The following ADAM7 variants were observed in gnomAD, a reference collection of about 807,000 sequenced individuals.
ADAM7 encodes ADAM metallopeptidase domain 7, also known as disintegrin and metalloproteinase domain-containing protein 7.
In ADAM7, 97 loss-of-function variants were observed where a neutral mutation model predicts 102.9. That is an observed-to-expected ratio of 0.94 (90% CI 0.80 to 1.12). The LOEUF is 1.12. Ranked by LOEUF, ADAM7 falls within the 50% of genes most tolerant of loss-of-function variation. ADAM7 has a pLI of 0.00. For missense variants in ADAM7, 991 were observed against 908.7 expected (o/e 1.09, Z -1.16); for synonymous variants, 334 against 304.4 (o/e 1.10, Z -1.01).
intron 3 of ADAM7, among the ~76,000 whole-genome samples, chr8:24,450,257 C>A (rs373747501): frequency 1.3e-5 from 2 of 152,080 alleles, no homozygotes; most frequent in African/African-American, 4.8e-5. Context: ...GCCATTTTCA[C>A]GATATTGATT....
intron 2 of ADAM7, among the ~76,000 whole-genome samples, chr8:24,444,721 T>A (rs998049888): frequency 6.7e-6 from 1 of 149,998 alleles, no homozygotes; most frequent in African/African-American, 2.4e-5. Flanking sequence ...CCTGAGAAAC[T>A]GTGAGACTTC....
intron 7 of ADAM7, among the ~76,000 whole-genome samples, chr8:24,472,017 A>G (rs1229029036): frequency 6.6e-6 from 1 of 151,678 alleles, no homozygotes; most frequent in Non-Finnish European, 1.5e-5. Context: ...AAGAGAATTT[A>G]TGATTTAAAA....
chr8:24,454,670 G>A (rs568167434), intron 3 of ADAM7, among the ~76,000 whole-genome samples: 16 of 152,146 alleles, frequency 1.1e-4, no homozygotes, highest in Admixed American at 4.6e-4. Flanking sequence ...ACTGTCCTGC[G>A]CCCACTGTCT....
chr8:24,463,481 G>A (rs138661397), intron 3 of ADAM7, among the ~76,000 whole-genome samples: 495 of 152,074 alleles, frequency 3.3e-3, no homozygotes, highest in African/African-American at 0.012. Context: ...TAAATATGTA[G>A]CTGTTAGGTT....
intron 2 of ADAM7, among the ~76,000 whole-genome samples, chr8:24,444,962 C>T (rs1818502624): frequency 1.3e-5 from 2 of 152,226 alleles, no homozygotes; most frequent in East Asian, 3.9e-4. Context: ...ATCTTTCCAA[C>T]TTTTCTGTAA....
Position 24,479,148 on chromosome 8 carries a change from G to A in ADAM7, c.705+2644G>A, listed in dbSNP as rs531032717. 4.6e-5 allele frequency among the ~76,000 whole-genome samples: 7 copies of A among 152,204 alleles called. No homozygotes were observed. In the South Asian group the frequency reaches 1.5e-3, roughly 32 times the overall value. ...ACATTCTCACTGCTTCTTCAGTAGTGGCGTGTTGTTTGTTCCTCAGTGCCT... is the reference window on the plus strand; with the variant it reads ...ACATTCTCACTGCTTCTTCAGTAGTAGCGTGTTGTTTGTTCCTCAGTGCCT... On this transcript the variant is annotated intron_variant, in intron 8 of 21. Coordinates refer to ENST00000175238, the MANE Select transcript of ADAM7 (RefSeq NM_003817.4).
chr8:24,453,435 G>C (rs1358743239), intron 3 of ADAM7, among the ~76,000 whole-genome samples: 2 of 151,922 alleles, frequency 1.3e-5, no homozygotes, highest in Non-Finnish European at 2.9e-5. Flanking sequence ...TCTTCCAATT[G>C]ATCACATCGG....
At chr8:24,500,702 G>A in intron 18 of ADAM7, 88 bp from the exon 19 acceptor site, 5 of 1,028,078 alleles carry the variant, frequency 4.9e-6, no homozygotes, top group Non-Finnish European at 7.4e-6. Flanking sequence ...AAGGAATAAG[G>A]AGCATTGTAA....
chr8:24,447,960 ACACACACAC>A (rs1242421116), intron 3 of ADAM7, among the ~76,000 whole-genome samples: 1 of 151,382 alleles, frequency 6.6e-6, no homozygotes. Context: ...ACACACACAC[ACACACACAC>A]ACACACACAC....
chr8:24,460,521 T>C (rs961414390), intron 3 of ADAM7, among the ~76,000 whole-genome samples: 3 of 152,062 alleles, frequency 2.0e-5, no homozygotes, highest in Non-Finnish European at 4.4e-5. Context: ...GCTGGCTTCT[T>C]ATTAATCTCT....
intron 2 of ADAM7, among the ~76,000 whole-genome samples, chr8:24,442,842 A>G (rs1818421649): frequency 6.6e-6 from 1 of 152,054 alleles, no homozygotes; most frequent in Non-Finnish European, 1.5e-5. Context: ...ACTTATAACA[A>G]CCTCATTTGT....
At chr8:24,499,872 T>A (rs1002493433) in intron 17 of ADAM7, among the ~76,000 whole-genome samples, 14 of 151,866 alleles carry the variant, frequency 9.2e-5, no homozygotes, top group African/African-American at 3.1e-4. Context: ...CAGGTTACCA[T>A]ATTTATCATA....
At chr8:24,500,730 A>T in intron 18 of ADAM7, 60 bp from the exon 19 acceptor site, 1 of 1,357,344 alleles carries the variant, frequency 7.4e-7, no homozygotes, top group Non-Finnish European at 1.0e-6. Flanking sequence ...ATTAAATGTT[A>T]ATATTCCACT....
intron 3 of ADAM7, among the ~76,000 whole-genome samples, 182 bp from the exon 4 acceptor site, chr8:24,463,700 A>G (rs1819328478): frequency 6.6e-6 from 1 of 152,142 alleles, no homozygotes; most frequent in African/African-American, 2.4e-5. Flanking sequence ...TTTATGAACC[A>G]TGATATTTAA....
At chr8:24,455,903 T>C (rs1819013802) in intron 3 of ADAM7, among the ~76,000 whole-genome samples, 1 of 152,222 alleles carries the variant, frequency 6.6e-6, no homozygotes, top group Non-Finnish European at 1.5e-5. Flanking sequence ...GATTCATGAA[T>C]ACAATGTGTA....
intron 16 of ADAM7, among the ~76,000 whole-genome samples, chr8:24,494,649 T>C (rs1185516778): frequency 6.6e-6 from 1 of 152,204 alleles, no homozygotes; most frequent in Non-Finnish European, 1.5e-5. Flanking sequence ...TTCAGCCAAA[T>C]TCTAATGAGG....
intron 19 of ADAM7, 148 bp from the exon 20 acceptor site, chr8:24,501,329 T>C (rs1426278394): frequency 8.9e-6 from 5 of 560,324 alleles, no homozygotes; most frequent in South Asian, 2.9e-5. Context: ...TTAGACAATA[T>C]AAAAAAGCAT....
intron 16 of ADAM7, among the ~76,000 whole-genome samples, chr8:24,493,449 G>A (rs1370917438): frequency 6.6e-6 from 1 of 151,382 alleles, no homozygotes; most frequent in African/African-American, 2.4e-5. Context: ...TTACAGATGT[G>A]CTTAATTAGT....
At chr8:24,473,313 G>A (rs1819666442) in intron 7 of ADAM7, among the ~76,000 whole-genome samples, 1 of 152,100 alleles carries the variant, frequency 6.6e-6, no homozygotes, top group African/African-American at 2.4e-5. Flanking sequence ...AATGACTCAT[G>A]CAGCTGCAGT....
Sources: allele counts gnomAD v4.1 joint callset (sites outside exome capture counted in the v4.1 genomes callset), GRCh38; gene constraint gnomAD v4.1.1; transcripts MANE v1.5; gene names NCBI Gene and HGNC (gene_info 2026-07-23, HGNC 2026-07-21).